Variants in ABHD3 observed in about 807,000 individuals in gnomAD.
ABHD3 encodes the protein phospholipase ABHD3.
A neutral mutation model predicts 48.8 loss-of-function variants in ABHD3; 46 were observed. That is an observed-to-expected ratio of 0.94 (90% CI 0.74 to 1.20). The LOEUF is 1.20. ABHD3 is among the 50% of genes most tolerant of loss of function. The pLI is 0.00. For synonymous variants in ABHD3, 192 were observed against 183.7 expected, an observed-to-expected ratio of 1.04 and a Z score of -0.36; for missense variants, 490 against 497.8, an observed-to-expected ratio of 0.98 and a Z score of 0.15.
At chr18:21,666,493 AT>A (rs1377080361) in intron 4 of ABHD3, among the ~76,000 whole-genome samples, 2 of 149,546 alleles carry the variant, frequency 1.3e-5, no homozygotes, top group African/African-American at 2.5e-5. Flanking sequence ...TGCCCGGCCT[AT>A]TTTTTTTGAA....
chr18:21,664,420 A>C, intron 4 of ABHD3, 190 bp from the exon 5 acceptor site: 1 of 540,062 alleles, frequency 1.9e-6, no homozygotes, highest in Non-Finnish European at 3.1e-6. Flanking sequence ...AAGTCAGCAC[A>C]GTTAGAGTTG....
At chr18:21,683,993 AT>A (rs1460047517) in intron 3 of ABHD3, 28 bp from the exon 4 acceptor site, 2 of 1,577,022 alleles carry the variant, frequency 1.3e-6, no homozygotes, top group African/African-American at 1.3e-5. Context: ...AATTTTTGTT[AT>A]TTTTACACAT....
At chr18:21,668,541 A>G (rs2039689299) in intron 4 of ABHD3, among the ~76,000 whole-genome samples, 1 of 152,190 alleles carries the variant, frequency 6.6e-6, no homozygotes, top group Non-Finnish European at 1.5e-5. Context: ...CATAGATGTC[A>G]CTTGGTTCCT....
At chr18:21,687,466 C>T (rs1244406833) in intron 3 of ABHD3, among the ~76,000 whole-genome samples, 1 of 152,164 alleles carries the variant, frequency 6.6e-6, no homozygotes, top group Admixed American at 6.5e-5. Context: ...CTGCCTTGGC[C>T]TCCTAAAGTG....
chr18:21,684,484 A>G (rs887014277), intron 3 of ABHD3, among the ~76,000 whole-genome samples: 1 of 151,464 alleles, frequency 6.6e-6, no homozygotes, highest in Non-Finnish European at 1.5e-5. Context: ...ATGCGCGGCT[A>G]ATTTTTTTTT....
chr18:21,657,885 TAAAG>T (rs1167304185), intron 6 of ABHD3, among the ~76,000 whole-genome samples: 11 of 151,954 alleles, frequency 7.2e-5, no homozygotes, highest in Admixed American at 4.6e-4. Flanking sequence ...TAAAAAAAAT[TAAAG>T]AAAGAAATAA....
At chr18:21,673,495 T>C (rs2039803353) in intron 4 of ABHD3, 1 of 152,338 alleles carries the variant, frequency 6.6e-6, no homozygotes, top group Non-Finnish European at 1.5e-5. Context: ...GGTTTCTCCA[T>C]GTTGGTCAGG....
At chr18:21,702,842 T>A (rs2040542778) in intron 2 of ABHD3, among the ~76,000 whole-genome samples, 1 of 152,220 alleles carries the variant, frequency 6.6e-6, no homozygotes, top group South Asian at 2.1e-4. Flanking sequence ...GAAGTCTGAG[T>A]AAGTAAAATG....
chr18:21,656,420 CT>C (rs556183988), intron 8 of ABHD3, among the ~76,000 whole-genome samples: 19 of 152,256 alleles, frequency 1.2e-4, no homozygotes, highest in African/African-American at 4.3e-4. Context: ...TCCAAATATG[CT>C]TCACTAATTG....
chr18:21,678,518 C>T (rs11877411), intron 4 of ABHD3, among the ~76,000 whole-genome samples: 48,620 of 151,676 alleles, frequency 0.32, 10,999 homozygotes, highest in African/African-American at 0.61. Flanking sequence ...TACAGATTTG[C>T]CTATTTTGAA....
intron 5 of ABHD3, chr18:21,663,591 G>A (rs1187425739): frequency 7.6e-7 from 1 of 1,313,628 alleles, no homozygotes; most frequent in African/African-American, 1.5e-5. Context: ...GCTGGAGTAG[G>A]GGGTTAACAA....
intron 3 of ABHD3, among the ~76,000 whole-genome samples, chr18:21,700,819 G>A (rs1443716792): frequency 7.3e-5 from 7 of 95,884 alleles, no homozygotes; most frequent in Admixed American, 4.2e-4. Flanking sequence ...GCATGACTAA[G>A]TTTTAGCCAA....
At chr18:21,682,687 G>A (rs775718720) in intron 4 of ABHD3, 3 of 152,142 alleles carry the variant, frequency 2.0e-5, no homozygotes, top group Admixed American at 6.6e-5. Flanking sequence ...AAGAACTAAC[G>A]AGCTTGGCTT....
intron 3 of ABHD3, among the ~76,000 whole-genome samples, chr18:21,685,438 C>G (rs1234911217): frequency 6.6e-6 from 1 of 152,138 alleles, no homozygotes; most frequent in Admixed American, 6.6e-5. Flanking sequence ...TTTTATTAGG[C>G]CCAGTTGAAA....
At chr18:21,686,056 T>C (rs901070512) in intron 3 of ABHD3, among the ~76,000 whole-genome samples, 2 of 152,188 alleles carry the variant, frequency 1.3e-5, no homozygotes, top group African/African-American at 2.4e-5. Flanking sequence ...GTTGCCCAGG[T>C]TGGTCTCTAA....
intron 3 of ABHD3, among the ~76,000 whole-genome samples, chr18:21,694,308 G>C (rs796258948): frequency 1.3e-5 from 2 of 152,174 alleles, no homozygotes; most frequent in African/African-American, 4.8e-5. Context: ...TGTTGGTCAG[G>C]CTGGTCTCGA....
rs758306195 is a variant in ABHD3 at position 21,657,151 on chromosome 18, G to C, written c.844C>G (p.His282Asp). 2 of 1,600,812 alleles carry C rather than the reference G, an allele frequency of 1.2e-6. No homozygotes were observed. Among genetic ancestry groups the C allele is most frequent in the Non-Finnish European group, 1.7e-6 (2 of 1,174,404 alleles). ...TTCLQSSVNK[H>D]RHMFVKQVDM... Reference sequence around the variant, plus strand: ...ACTTGTTTTACAAACATATGTCGGTGCCTGGAACAAAAGAATTTCGGAAGT... The same window carrying C: ...ACTTGTTTTACAAACATATGTCGGTCCCTGGAACAAAAGAATTTCGGAAGT... The change falls in exon 7 of 9, where the codon CAC (histidine) becomes GAC (aspartate). Residue 282 changes from histidine (H) to aspartate (D), a missense_variant and splice_region_variant. Transcript: ENST00000289119.
chr18:21,673,601 GTTTTGTTTTGTT>G (rs139008373), intron 4 of ABHD3: 3,393 of 151,786 alleles, frequency 0.022, 140 homozygotes, highest in Admixed American at 0.11. Context: ...GCTGTTTTTT[GTTTTGTTTTGTT>G]TTTTGTTTTT....
chr18:21,704,653 C>A lies in ABHD3; in HGVS notation c.13G>T (p.Ala5Ser). ...CGGGACAACATCCGCAGGTCCATGG[C>A]CAGGCGCTGCATGGCCCCCGAGCGC... The part of the protein sequence containing the change: MQRL[A>S]MDLRMLSREL... The change falls in exon 1 of 9, where the codon GCC becomes TCC. Residue 5 changes from alanine to serine, a missense_variant. Ala to Ser is a moderately conservative substitution (Grantham distance 99). Transcript: ENST00000289119. 2 of 1,521,180 alleles carry A rather than the reference C, an allele frequency of 1.3e-6. No individual in the cohort carries two copies. Among genetic ancestry groups the A allele is most frequent in the Non-Finnish European group, 1.8e-6 (2 of 1,136,936 alleles). 94.2% of individuals were successfully genotyped at this position (1,521,180 alleles called of 1,614,324 possible). A position where few individuals can be genotyped will look rare whatever the true frequency, so the allele number is the denominator to read the frequency against.
Sources: gnomAD v4.1 joint callset for allele counts (sites outside exome capture counted in the v4.1 genomes callset) on GRCh38, gnomAD v4.1.1 for gene constraint, MANE v1.5 for transcripts, NCBI Gene and HGNC (gene_info 2026-07-23, HGNC 2026-07-21) for gene names.